The following RPS6KC1 variants were observed in gnomAD, a reference collection of about 807,000 sequenced individuals.
RPS6KC1 encodes inactive ribosomal protein S6 kinase delta-1.
A neutral mutation model predicts 103.8 loss-of-function variants in RPS6KC1; 54 were observed. That is an observed-to-expected ratio of 0.52 (90% CI 0.42 to 0.65). The LOEUF (loss-of-function observed/expected upper bound fraction) is 0.65. Among genes scored for constraint, RPS6KC1 ranks in the 30% least tolerant of loss-of-function variants. RPS6KC1 has a pLI of 0.00. For synonymous variants in RPS6KC1, 439 were observed against 438.7 expected (o/e 1.00, Z -0.01); for missense variants, 1,151 against 1,253.8 (o/e 0.92, Z 1.24).
the RPS6KC1 span, among the ~76,000 whole-genome samples, chr1:213,852,377 T>C: frequency 1.3e-5 from 2 of 151,936 alleles, no homozygotes; most frequent in Non-Finnish European, 2.9e-5. Flanking sequence ...TGTGAACATA[T>C]CTTTACCTAA....
the RPS6KC1 span, among the ~76,000 whole-genome samples, chr1:213,677,631 G>T: frequency 6.6e-6 from 1 of 152,150 alleles, no homozygotes; most frequent in African/African-American, 2.4e-5. Context: ...AGATTCACTG[G>T]GCATTGTATG....
At chr1:213,212,696 C>T (rs974310335) in intron 8 of RPS6KC1, among the ~76,000 whole-genome samples, 5 of 152,290 alleles carry the variant, frequency 3.3e-5, no homozygotes, top group Admixed American at 2.6e-4. Flanking sequence ...TTTGCATTTC[C>T]AGTAGCAATG....
chr1:213,748,566 G>A, the RPS6KC1 span, among the ~76,000 whole-genome samples: 1 of 152,142 alleles, frequency 6.6e-6, no homozygotes, highest in Non-Finnish European at 1.5e-5. Context: ...ATCCCAAATA[G>A]GGATATGCCA....
At chr1:213,395,933 A>G in the RPS6KC1 span, among the ~76,000 whole-genome samples, 2 of 152,238 alleles carry the variant, frequency 1.3e-5, no homozygotes, top group African/African-American at 4.8e-5. Context: ...CCATAAAAGG[A>G]AGGCTCCGAA....
intron 14 of RPS6KC1, among the ~76,000 whole-genome samples, chr1:213,266,087 GTTATTA>G (rs1215387778): frequency 2.6e-5 from 4 of 152,124 alleles, no homozygotes; most frequent in African/African-American, 7.2e-5. Context: ...GTATATCTTT[GTTATTA>G]TTATTGATAG....
the RPS6KC1 span, among the ~76,000 whole-genome samples, chr1:213,807,390 C>A: frequency 6.6e-6 from 1 of 152,210 alleles, no homozygotes; most frequent in Non-Finnish European, 1.5e-5. Flanking sequence ...AACTTGGTTC[C>A]ATTCTCCCCG....
the RPS6KC1 span, among the ~76,000 whole-genome samples, chr1:213,375,377 G>A: frequency 2.6e-5 from 4 of 151,982 alleles, no homozygotes; most frequent in African/African-American, 9.7e-5. Context: ...CATATTTTCT[G>A]ATAAGGTTTT....
the RPS6KC1 span, among the ~76,000 whole-genome samples, chr1:213,647,613 T>G: frequency 6.6e-6 from 1 of 152,144 alleles, no homozygotes; most frequent in Non-Finnish European, 1.5e-5. Context: ...TGAGGTTCCT[T>G]TCAGCTCTCA....
At chr1:213,516,538 AT>A in the RPS6KC1 span, among the ~76,000 whole-genome samples, 16 of 152,222 alleles carry the variant, frequency 1.1e-4, no homozygotes, top group East Asian at 7.7e-4. Flanking sequence ...ACGTTTATTG[AT>A]TTGCATATGT....
intron 8 of RPS6KC1, among the ~76,000 whole-genome samples, chr1:213,187,851 A>G (rs963558876): frequency 6.6e-6 from 1 of 151,584 alleles, no homozygotes; most frequent in African/African-American, 2.4e-5. Context: ...TTTGGTTTCT[A>G]CTGGATATAT....
chr1:213,176,522 A>G (rs1045581786), intron 8 of RPS6KC1, 30 bp downstream of exon 8: 3 of 1,416,866 alleles, frequency 2.1e-6, no homozygotes, highest in Non-Finnish European at 3.0e-6. Context: ...TCAAGAGTTC[A>G]GTCATAAATC....
At chr1:213,510,846 C>T in the RPS6KC1 span, among the ~76,000 whole-genome samples, 1 of 152,082 alleles carries the variant, frequency 6.6e-6, no homozygotes, top group Non-Finnish European at 1.5e-5. Flanking sequence ...GTGGGGAGGC[C>T]TTTTTACTTC....
intron 6 of RPS6KC1, among the ~76,000 whole-genome samples, 169 bp downstream of exon 6, chr1:213,130,058 T>C (rs1326881888): frequency 6.6e-6 from 1 of 152,168 alleles, no homozygotes; most frequent in African/African-American, 2.4e-5. Context: ...TTCCTTGAGA[T>C]GTTAGACATT....
At chr1:213,787,365 A>G in the RPS6KC1 span, among the ~76,000 whole-genome samples, 1 of 152,310 alleles carries the variant, frequency 6.6e-6, no homozygotes, top group Admixed American at 6.5e-5. Context: ...AGAGTGAAAA[A>G]GGGGGAATAA....
the RPS6KC1 span, among the ~76,000 whole-genome samples, chr1:213,500,978 A>C: frequency 6.6e-6 from 1 of 152,202 alleles, no homozygotes; most frequent in Non-Finnish European, 1.5e-5. Flanking sequence ...TTGAAAGAAA[A>C]CTATAAAGTA....
At chr1:213,378,684 G>A in the RPS6KC1 span, among the ~76,000 whole-genome samples, 4 of 152,106 alleles carry the variant, frequency 2.6e-5, no homozygotes, top group African/African-American at 4.8e-5. Flanking sequence ...TTATTCATTC[G>A]TGAAATGAAT....
the RPS6KC1 span, among the ~76,000 whole-genome samples, chr1:213,632,493 G>A: frequency 6.6e-6 from 1 of 152,180 alleles, no homozygotes; most frequent in African/African-American, 2.4e-5. Flanking sequence ...AAAAGGAATA[G>A]CATCAACATC....
the RPS6KC1 span, among the ~76,000 whole-genome samples, chr1:213,323,899 T>G: frequency 6.6e-6 from 1 of 152,246 alleles, no homozygotes; most frequent in African/African-American, 2.4e-5. Context: ...GGTTCACTCT[T>G]GGTGTTGTAC....
chr1:213,518,213 A>T, the RPS6KC1 span, among the ~76,000 whole-genome samples: 2 of 152,174 alleles, frequency 1.3e-5, no homozygotes, highest in African/African-American at 4.8e-5. Flanking sequence ...GCCCCCTAAA[A>T]TATATGTCCT....
Sources: allele counts gnomAD v4.1 joint callset (sites outside exome capture counted in the v4.1 genomes callset), GRCh38; gene constraint gnomAD v4.1.1; transcripts MANE v1.5; gene names NCBI Gene and HGNC (gene_info 2026-07-23, HGNC 2026-07-21).